Variants in TERT observed in about 807,000 individuals in gnomAD.
TERT encodes telomerase reverse transcriptase.
Under a neutral mutation model 104.0 loss-of-function variants are expected in TERT, and 42 were observed. The ratio of observed to expected loss-of-function variants is 0.40; its 90% CI spans 0.32 to 0.52. TERT has a LOEUF of 0.52. Among genes scored for constraint, TERT ranks in the 20% least tolerant of loss-of-function variants. The pLI is 0.43. For synonymous variants in TERT, 781 were observed against 725.6 expected (o/e 1.08, Z -1.23); for missense variants, 1,101 against 1,610.3 (o/e 0.68, Z 5.41).
intron 2 of TERT, among the ~76,000 whole-genome samples, chr5:1,289,388 T>C (rs1750718635): frequency 7.4e-6 from 1 of 135,610 alleles, no homozygotes. Context: ...GGGGCCTCAC[T>C]CACCCTGCAC....
In TERT at chr5:1,270,608, T is replaced by G. The variant is rs1748952624; in HGVS notation, c.2468+511A>C. 3.9e-5 allele frequency among the ~76,000 whole-genome samples: 6 copies of G among 152,088 alleles called. No individual in the cohort carries two copies. The South Asian group carries it at 1.2e-3, about 32-fold the overall frequency. ...CACAGGCCCCCCGAGAGGAGCAAACTACACGGTCAACCCCGCACTTTCCAG... is the reference window on the plus strand; with the variant it reads ...CACAGGCCCCCCGAGAGGAGCAAACGACACGGTCAACCCCGCACTTTCCAG... On this transcript the variant is annotated intron_variant, in intron 8 of 15. Transcript: ENST00000310581. This position sits in a 1 kb window ranked among gnomAD's most constrained non-coding sequence, Gnocchi z 8.3.
Position 1,255,458 on chromosome 5 carries a change from C to T in TERT, c.3033-47G>A, listed in dbSNP as rs372611373. On this transcript the variant is annotated intron_variant, in intron 13 of 15. Transcript: ENST00000310581. This position sits in a 1 kb window ranked among gnomAD's most constrained non-coding sequence, Gnocchi z 6.9. ...TCAGAGGAAAGGCCTCCTAATCAGA[C>T]GGTGCTCGTGGGTGTGGGCATGGGC... The T allele has an allele frequency of 3.8e-5, 61 of 1,612,868 alleles. No homozygotes were observed. The African/African-American group carries it at 4.1e-4, about 11-fold the overall frequency.
Position 1,279,345 on chromosome 5 carries a change from G to A in TERT, c.2076C>T (p.Thr692=). 1 of 1,583,360 alleles carries A rather than the reference G, an allele frequency of 6.3e-7. No homozygotes were observed. Among genetic ancestry groups the A allele is most frequent in the Non-Finnish European group, 8.6e-7 (1 of 1,167,114 alleles). The change falls in exon 5 of 16, where the codon ACC becomes ACT. Residue 692 remains threonine (T), a synonymous_variant. Transcript: ENST00000310581. ...GLDDIHRAWR[T]FVLRVRAQDP... ...CCTGGGCCCGCACACGCAGCACGAA[G>A]GTGCGCCAGGCCCTGTGGATATCGT...
At chr5:1,281,703 TC>T (rs1165264445) in intron 3 of TERT, among the ~76,000 whole-genome samples, 3 of 152,260 alleles carry the variant, frequency 2.0e-5, no homozygotes, top group African/African-American at 7.2e-5. Flanking sequence ...GCACAGGTGC[TC>T]CCTGCAGTGA....
chr5:1,260,739 C>A, intron 11 of TERT, 139 bp from the exon 12 acceptor site: 1 of 1,234,234 alleles, frequency 8.1e-7, no homozygotes, highest in Non-Finnish European at 1.1e-6. Context: ...CCCGAGGGGG[C>A]TGGGTGCTCA....
intron 4 of TERT, among the ~76,000 whole-genome samples, 200 bp downstream of exon 4, chr5:1,279,957 TC>T (rs1328302169): frequency 2.6e-5 from 4 of 151,966 alleles, no homozygotes; most frequent in African/African-American, 9.7e-5. Context: ...CCCCAGGAGC[TC>T]CCCCTACACC....
At chr5:1,272,139 C>A in intron 7 of TERT, 46 bp downstream of exon 7, 1 of 1,456,178 alleles carries the variant, frequency 6.9e-7, no homozygotes, top group Non-Finnish European at 9.5e-7. Flanking sequence ...AGGGGAGGAC[C>A]CACTGCTGGG....
Position 1,293,490 on chromosome 5 carries a change from G to T in TERT, c.1396C>A (p.Arg466=). 6.3e-7 allele frequency: 1 copy of T among 1,589,488 alleles called. No homozygotes were observed. Among genetic ancestry groups the T allele is most frequent in the South Asian group, 1.1e-5 (1 of 88,284 alleles). ...GGCACCAGCCGGCGCAGGCAGGCCC[G>T]CACGAAGCCGTACACCTGCCAGGGG... ...SSPWQVYGFV[R]ACLRRLVPPG... Residue 466 remains arginine (R), a synonymous_variant, in exon 2 of 16, where the codon CGG becomes AGG. Transcript: ENST00000310581.
rs571557933 is a variant in TERT at position 1,278,932 on chromosome 5, G to A, written c.2131-136C>T. ...CCACTCCAGACCCCAAGGGCAGGGC[G>A]GGCTGTGTCCCCTCTCTGAGCCTCA... On this transcript the variant is annotated intron_variant, in intron 5 of 15. Coordinates refer to ENST00000310581, the MANE Select transcript of TERT (RefSeq NM_198253.3). 34 of 1,254,476 alleles carry A rather than the reference G, an allele frequency of 2.7e-5. 1 individual carries two copies. In the East Asian group the frequency reaches 3.2e-4, roughly 12 times the overall value. 77.7% of individuals were successfully genotyped at this position (1,254,476 alleles called of 1,614,324 possible).
In TERT at chr5:1,286,750, C is replaced by T. The variant is rs1278357861; in HGVS notation, c.1574-4126G>A. ...AAAATTAGCCAGGCGTGGTGGTGGGCGCCTGTAATCCCAGCTACTCATGAG... is the reference window on the plus strand; with the variant it reads ...AAAATTAGCCAGGCGTGGTGGTGGGTGCCTGTAATCCCAGCTACTCATGAG... On this transcript the variant is annotated intron_variant, in intron 2 of 15. Transcript: ENST00000310581. This position sits in a 1 kb window ranked among gnomAD's most constrained non-coding sequence, Gnocchi z 5.3. 2.6e-5 allele frequency among the ~76,000 whole-genome samples: 4 copies of T among 151,878 alleles called. No individual in the cohort carries two copies. The highest frequency in any genetic ancestry group is 4.4e-5 in the Non-Finnish European group (3 of 67,976).
Position 1,265,883 on chromosome 5 carries a change from C to T in TERT, c.2654+581G>A, listed in dbSNP as rs1748561238. 6.6e-6 allele frequency among the ~76,000 whole-genome samples: 1 copy of T among 152,220 alleles called. No individual in the cohort carries two copies. Among genetic ancestry groups the T allele is most frequent in the Non-Finnish European group, 1.5e-5 (1 of 68,040 alleles). ...AATCCCCTGTGCTGAGGCCAGGTCC[C>T]CTGTGCCTGATTTTAGTTTGATTCA... On this transcript the variant is annotated intron_variant, in intron 10 of 15. Transcript: ENST00000310581. This position sits in a 1 kb window ranked among gnomAD's most constrained non-coding sequence, Gnocchi z 6.9.
rs756628621 is a variant in TERT, at chr5:1,253,775, C to A, written c.3352G>T (p.Ala1118Ser). Residue 1118 changes from alanine to serine, a missense_variant, in exon 16 of 16, where the codon GCA becomes TCA. Physicochemically the swap from Ala to Ser is moderately conservative, Grantham distance 99. Transcript: ENST00000310581. The stretch of plus-strand genomic sequence containing the variant: ...TCTGAGGGCAGTGCCGGGTTGGCTG[C>A]GGCCTCCAGGGCAGTCAGCGTCGTC... The part of the protein sequence containing the change: ...PGTTLTALEA[A>S]ANPALPSDFK... 2 of 1,612,184 alleles carry A rather than the reference C, an allele frequency of 1.2e-6. No individual in the cohort carries two copies. The highest frequency in any genetic ancestry group is 2.2e-5 in the South Asian group (2 of 90,718).
chr5:1,271,944 G>A (rs192419598), intron 7 of TERT, among the ~76,000 whole-genome samples: 2 of 152,362 alleles, frequency 1.3e-5, no homozygotes, highest in Non-Finnish European at 2.9e-5. Context: ...AGGCACTGCG[G>A]AACTGGAGAG....
chr5:1,278,099 A>G (rs997006715), intron 6 of TERT, among the ~76,000 whole-genome samples: 7 of 152,160 alleles, frequency 4.6e-5, no homozygotes, highest in African/African-American at 1.7e-4. Context: ...TACCACCAGC[A>G]TCCCTACTCT....
At chr5:1,264,638 C>G (rs770718884) in intron 10 of TERT, 46 bp from the exon 11 acceptor site, 1 of 1,606,396 alleles carries the variant, frequency 6.2e-7, no homozygotes, top group Non-Finnish European at 8.5e-7. Flanking sequence ...GGGCCGTCAC[C>G]CAGGAGGTAA....
intron 2 of TERT, among the ~76,000 whole-genome samples, chr5:1,290,253 C>T (rs1439923319): frequency 1.5e-5 from 1 of 66,102 alleles, no homozygotes; most frequent in African/African-American, 1.1e-4. Context: ...CAGGGACACC[C>T]GGGGGCCGTG....
At position 1,277,644 on chromosome 5, in the gene TERT, C is replaced by T. The variant is rs7737938; in HGVS notation, c.2286+997G>A. On this transcript the variant is annotated intron_variant, in intron 6 of 15. Coordinates refer to ENST00000310581, the MANE Select transcript of TERT (RefSeq NM_198253.3). ...CTGGGCTCTGGTGACTTTCTACACC[C>T]GGGCACAGGTGGGCGGTGGGGACGG... is the stretch of plus-strand genomic sequence containing the variant. Among the ~76,000 whole-genome samples the T allele has an allele frequency of 2.1e-3, 220 of 104,966 alleles. 2 individuals carry two copies. Among genetic ancestry groups the T allele is most frequent in the African/African-American group, 7.9e-3 (205 of 25,930 alleles). The allele number at this position is 104,966 out of a possible 152,430, so 68.9% of individuals were successfully genotyped here. A position where few individuals can be genotyped will look rare whatever the true frequency, so the allele number is the denominator to read the frequency against.
Position 1,294,184 on chromosome 5 carries a change from C to G in TERT, c.702G>C (p.Leu234Phe), listed in dbSNP as rs754359147. The change falls in exon 2 of 16, where the codon TTG becomes TTC. Residue 234 changes from leucine to phenylalanine, a missense_variant. Around this residue, in one of 5 missense-constraint regions of TERT, gnomAD observed 504 missense variants for 544.6 expected, o/e 0.93. Transcript: ENST00000310581. ...CAGCGCCACGCCTGGGCCTCTTGGGCAACGGCAGACTTCGGCTGGCACTGC... is the reference window on the plus strand; with the variant it reads ...CAGCGCCACGCCTGGGCCTCTTGGGGAACGGCAGACTTCGGCTGGCACTGC... ...RGGSASRSLP[L>F]PKRPRRGAAP... is the part of the protein sequence containing the mutation. The G allele has an allele frequency of 2.5e-6, 4 of 1,582,574 alleles. No homozygotes were observed. The Admixed American group carries it at 6.9e-5, about 27-fold the overall frequency.
At position 1,274,982 on chromosome 5, in the gene TERT, A is replaced by T. The variant is rs1749445442; in HGVS notation, c.2287-2702T>A. ...AAACTCTTCTGTGAAGAGAGTCATG[A>T]AATGGAAAGACCCCTAGCGAGACCT... On this transcript the variant is annotated intron_variant, in intron 6 of 15. Coordinates refer to ENST00000310581, the MANE Select transcript of TERT (RefSeq NM_198253.3). This position sits in a 1 kb window ranked among gnomAD's most constrained non-coding sequence, Gnocchi z 5.3. Among the ~76,000 whole-genome samples, 1 of 152,242 alleles carries T rather than the reference A, an allele frequency of 6.6e-6. No homozygotes were observed. The highest frequency in any genetic ancestry group is 2.4e-5 in the African/African-American group (1 of 41,468).
Sources: gnomAD v4.1 joint callset for allele counts (sites outside exome capture counted in the v4.1 genomes callset) on GRCh38, gnomAD v4.1.1 for gene constraint, gnomAD v4.1.1 regional missense constraint, Gnocchi (gnomAD v3.1) non-coding constraint, MANE v1.5 for transcripts, NCBI Gene and HGNC (gene_info 2026-07-23, HGNC 2026-07-21) for gene names.